The following ZC3H7A variants were observed in gnomAD, a reference collection of about 807,000 sequenced individuals.
The protein encoded by ZC3H7A is zinc finger CCCH domain-containing protein 7A.
Under a neutral mutation model 125.5 loss-of-function variants are expected in ZC3H7A, and 44 were observed. The observed-to-expected ratio is 0.35, with a 90% CI of 0.28 to 0.45. ZC3H7A has a LOEUF of 0.45. ZC3H7A is among the 20% of genes least tolerant of loss of function. The pLI, the probability that ZC3H7A is intolerant of heterozygous loss-of-function variation, is 1.00. For missense variants in ZC3H7A, 977 were observed against 1,170.7 expected, an observed-to-expected ratio of 0.83 and a Z score of 2.41; for synonymous variants, 399 against 391.2, an observed-to-expected ratio of 1.02 and a Z score of -0.23.
intron 19 of ZC3H7A, chr16:11,759,259 T>C (rs2052702254): frequency 6.6e-6 from 1 of 152,214 alleles, no homozygotes; most frequent in Non-Finnish European, 1.5e-5. Flanking sequence ...TTGAATACCA[T>C]CAACCTACTT....
At chr16:11,770,722 C>G in intron 10 of ZC3H7A, 61 bp downstream of exon 10, 1 of 1,473,026 alleles carries the variant, frequency 6.8e-7, no homozygotes, top group South Asian at 1.3e-5. Flanking sequence ...AATTGCCAAA[C>G]AAACATTTTC....
chr16:11,760,138 A>AAAAAAAAAAAAAAAAAAAAAG, intron 19 of ZC3H7A, among the ~76,000 whole-genome samples: 1 of 145,600 alleles, frequency 6.9e-6, no homozygotes, highest in Non-Finnish European at 1.5e-5. Flanking sequence ...AAAAAAAAAA[A>AAAAAAAAAAAAAAAAAAAAAG]AAAAAAAGAA....
intron 15 of ZC3H7A, among the ~76,000 whole-genome samples, chr16:11,763,898 G>T (rs1217708225): frequency 6.7e-6 from 1 of 149,714 alleles, no homozygotes; most frequent in African/African-American, 2.5e-5. Flanking sequence ...CCGCCTTCCG[G>T]GTTCACACCA....
chr16:11,789,194 T>C (rs1274935688), intron 1 of ZC3H7A, among the ~76,000 whole-genome samples: 1 of 152,206 alleles, frequency 6.6e-6, no homozygotes, highest in Non-Finnish European at 1.5e-5. Flanking sequence ...TGTACTACTT[T>C]TGAAACTTCC....
chr16:11,786,081 T>A, intron 1 of ZC3H7A, among the ~76,000 whole-genome samples: 1 of 152,182 alleles, frequency 6.6e-6, no homozygotes, highest in Admixed American at 6.5e-5. Context: ...TGTTCAAAAC[T>A]TTTGTTTTAT....
In ZC3H7A at chr16:11,782,326, T is replaced by C. The variant is rs2053185517; in HGVS notation, c.29A>G (p.Lys10Arg). The C allele has an allele frequency of 2.5e-6, 4 of 1,614,188 alleles. No homozygotes were observed. The highest frequency in any genetic ancestry group is 2.2e-5 in the South Asian group (2 of 91,078). ...TCCTTCCTTAATGTTCTGCTGCCTT[T>C]TTCTTCTCTCCTCGGACACATTGGA... MSNVSEERRKRQQNIKEGLQ... is the reference protein window; with the variant it reads MSNVSEERRRRQQNIKEGLQ... Residue 10 changes from lysine (K) to arginine (R), a missense_variant, in exon 2 of 23, where the codon AAA (lysine) becomes AGA (arginine). By Grantham distance (26) the Lys-to-Arg change is conservative. Around this residue, in one of 3 missense-constraint regions of ZC3H7A, gnomAD observed 199 missense variants for 256.1 expected, o/e 0.78. Coordinates refer to ENST00000355758, the MANE Select transcript of ZC3H7A (RefSeq NM_014153.4).
intron 20 of ZC3H7A, 138 bp downstream of exon 20, chr16:11,758,293 A>G (rs2141162318): frequency 1.5e-6 from 1 of 688,320 alleles, no homozygotes; most frequent in Non-Finnish European, 2.6e-6. Flanking sequence ...ATCATCGCCA[A>G]CAGAGCTACT....
At chr16:11,783,612 C>A (rs1439804045) in intron 1 of ZC3H7A, among the ~76,000 whole-genome samples, 1 of 152,186 alleles carries the variant, frequency 6.6e-6, no homozygotes, top group Non-Finnish European at 1.5e-5. Flanking sequence ...AAAGCACAAT[C>A]AGCCCCAGTT....
rs779502004 is a variant in ZC3H7A, at chr16:11,756,333, C to A, written c.2466G>T (p.Lys822Asn). The A allele has an allele frequency of 7.4e-6, 12 of 1,613,512 alleles. No individual in the cohort carries two copies. The highest frequency in any genetic ancestry group is 1.7e-6 in the Non-Finnish European group (2 of 1,179,914). Residue 822 changes from lysine (K) to asparagine (N), a missense_variant, in exon 21 of 23, where the codon AAG (lysine) becomes AAT (asparagine). Coordinates refer to ENST00000355758, the MANE Select transcript of ZC3H7A (RefSeq NM_014153.4). Reference protein sequence around the residue: ...DMEQFYELWLKSQKNEKSEDI... With the variant: ...DMEQFYELWLNSQKNEKSEDI... ...CTTCACTTTTTTCATTTTTTTGACT[C>A]TTGAGCCATAGTTCGTAAAATTGCT... is the stretch of plus-strand genomic sequence containing the variant.
chr16:11,764,868 T>C, intron 15 of ZC3H7A, 185 bp downstream of exon 15: 1 of 469,404 alleles, frequency 2.1e-6, no homozygotes, highest in Admixed American at 4.4e-5. Flanking sequence ...CATAATATAT[T>C]TAGTTAATTA....
chr16:11,781,221 C>T (rs1189993700), intron 3 of ZC3H7A, among the ~76,000 whole-genome samples: 5 of 152,132 alleles, frequency 3.3e-5, no homozygotes, highest in African/African-American at 1.2e-4. Flanking sequence ...GTTGCAAAAG[C>T]AGCCACAGAT....
chr16:11,765,159 A>G lies in ZC3H7A; in HGVS notation c.1720-6T>C. On this transcript the variant is annotated splice_polypyrimidine_tract_variant and splice_region_variant and intron_variant, in intron 14 of 22. Coordinates refer to ENST00000355758, the MANE Select transcript of ZC3H7A (RefSeq NM_014153.4). The surrounding 1 kb of genome is among the most constrained non-coding windows in gnomAD (Gnocchi z 4.8). The stretch of plus-strand genomic sequence containing the variant: ...GGCTTATGATCAAAACATTTCTGGA[A>G]TAGAGAGAGAAAGATTATCAAAAAA... 6.7e-7 allele frequency: 1 copy of G among 1,485,092 alleles called. No individual in the cohort carries two copies. The highest frequency in any genetic ancestry group is 9.1e-7 in the Non-Finnish European group (1 of 1,098,336). The allele number at this position is 1,485,092 out of a possible 1,614,324, so 92.0% of individuals were successfully genotyped here. A position where few individuals can be genotyped will look rare whatever the true frequency, so the allele number is the denominator to read the frequency against.
chr16:11,752,878 G>C (rs1413267096), intron 21 of ZC3H7A, 46 bp from the exon 22 acceptor site: 2 of 1,581,016 alleles, frequency 1.3e-6, no homozygotes, highest in South Asian at 1.1e-5. Flanking sequence ...CCTGATGTGA[G>C]ATCCAGACTC....
intron 21 of ZC3H7A, chr16:11,753,147 G>T (rs2141150901): frequency 3.7e-6 from 1 of 266,984 alleles, no homozygotes; most frequent in Non-Finnish European, 7.2e-6. Context: ...ACACCATGAG[G>T]AAAAGCAGAA....
chr16:11,776,998 C>T, intron 4 of ZC3H7A, 89 bp from the exon 5 acceptor site: 1 of 1,085,758 alleles, frequency 9.2e-7, no homozygotes, highest in Non-Finnish European at 1.3e-6. Context: ...AAATTAATAC[C>T]CCATCCTATT....
At chr16:11,787,491 T>C (rs1211832693) in intron 1 of ZC3H7A, among the ~76,000 whole-genome samples, 1 of 152,152 alleles carries the variant, frequency 6.6e-6, no homozygotes, top group Non-Finnish European at 1.5e-5. Context: ...ACACAAGGTC[T>C]TACCCTGTCA....
chr16:11,759,936 A>G (rs1008281238), intron 19 of ZC3H7A: 6 of 152,136 alleles, frequency 3.9e-5, no homozygotes, highest in African/African-American at 1.4e-4. Flanking sequence ...AACATGGTGA[A>G]GCTTCGTCTC....
chr16:11,767,797 C>CA lies in ZC3H7A; in HGVS notation c.1361-220dup, dbSNP rs962156429. Among the ~76,000 whole-genome samples, 200 of 148,828 alleles carry CA rather than the reference C, an allele frequency of 1.3e-3. 1 individual carries two copies. Among genetic ancestry groups the CA allele is most frequent in the Non-Finnish European group, 2.0e-3 (132 of 67,114 alleles). ...ATGTTCTATTCAACTCCACTCCTGC[C>CA]AAAAAAAAATACCCTTACTTAACTT... On this transcript the variant is annotated intron_variant, in intron 12 of 22. Transcript: ENST00000355758.
At chr16:11,768,880 C>A in intron 11 of ZC3H7A, 151 bp downstream of exon 11, 1 of 730,404 alleles carries the variant, frequency 1.4e-6, no homozygotes, top group Non-Finnish European at 2.2e-6. Context: ...GCCGTTATTA[C>A]TAGATGTTCC....
Sources: gnomAD v4.1 joint callset for allele counts (sites outside exome capture counted in the v4.1 genomes callset) on GRCh38, gnomAD v4.1.1 for gene constraint, gnomAD v4.1.1 regional missense constraint, Gnocchi (gnomAD v3.1) non-coding constraint, MANE v1.5 for transcripts, NCBI Gene and HGNC (gene_info 2026-07-23, HGNC 2026-07-21) for gene names.